UBE2F: variants seen among roughly 807,000 people sequenced by gnomAD.
The protein encoded by UBE2F is ubiquitin conjugating enzyme E2 F (putative).
In UBE2F, 5 loss-of-function variants were observed where a neutral mutation model predicts 29.6. The observed-to-expected ratio is 0.17, with a 90% confidence interval of 0.09 to 0.36. The LOEUF is 0.36. UBE2F is among the 10% of genes least tolerant of loss of function. UBE2F has a pLI of 1.00. For synonymous variants in UBE2F, 66 were observed against 81.8 expected (o/e 0.81, Z 1.04); for missense variants, 141 against 228.5 (o/e 0.62, Z 2.47).
chr2:237,972,185 C>T (rs1171776526), intron 1 of UBE2F, among the ~76,000 whole-genome samples: 5 of 152,184 alleles, frequency 3.3e-5, no homozygotes, highest in Admixed American at 3.3e-4. Flanking sequence ...TAAGTAAATG[C>T]AACACAGCAT....
rs527853888 is a variant in UBE2F, at chr2:238,020,457, G to A, written c.282+3824G>A. ...GTGCGGAGCCTAGGGATGGGCTGGG[G>A]CTTCTCAGGGTGCATCTGCTTCACT... On this transcript the variant is annotated intron_variant, in intron 5 of 9. Transcript: ENST00000272930. Among the ~76,000 whole-genome samples the A allele has an allele frequency of 5.9e-5, 9 of 152,308 alleles. No individual in the cohort carries two copies. The South Asian group carries it at 1.7e-3, about 28-fold the overall frequency.
At chr2:238,031,611 TTGA>T (rs1559228109) in intron 7 of UBE2F, among the ~76,000 whole-genome samples, 1 of 152,038 alleles carries the variant, frequency 6.6e-6, no homozygotes, top group African/African-American at 2.4e-5. Context: ...AACTCTTGAG[TTGA>T]TGAAGAGGAA....
chr2:238,041,575 C>T lies in UBE2F; in HGVS notation c.*237C>T. The stretch of plus-strand genomic sequence containing the variant: ...GGGCTTCTGAAGAGTTGTCTGCTTA[C>T]CTTAACATGTTTACTTTTTTGAACT... On this transcript the variant is annotated 3_prime_UTR_variant, in exon 10 of 10. Transcript: ENST00000272930. The T allele has an allele frequency of 6.2e-6, 3 of 485,676 alleles. No individual in the cohort carries two copies. The highest frequency in any genetic ancestry group is 5.7e-5 in the South Asian group (2 of 35,268). 30.1% of individuals were successfully genotyped at this position (485,676 alleles called of 1,614,324 possible).
At chr2:238,013,226 C>T (rs1019093703) in intron 4 of UBE2F, among the ~76,000 whole-genome samples, 1 of 151,928 alleles carries the variant, frequency 6.6e-6, no homozygotes, top group Non-Finnish European at 1.5e-5. Flanking sequence ...GCTGTGCACC[C>T]CAGCCTGAGC....
In UBE2F at chr2:237,967,641, G is replaced by T. The variant is rs975330732; in HGVS notation, c.-17+509G>T. Among the ~76,000 whole-genome samples the T allele has an allele frequency of 2.0e-5, 3 of 152,240 alleles. No homozygotes were observed. The highest frequency in any genetic ancestry group is 2.9e-5 in the Non-Finnish European group (2 of 68,042). On this transcript the variant is annotated intron_variant, in intron 1 of 9. Transcript: ENST00000272930. This position sits in a 1 kb window ranked among gnomAD's most constrained non-coding sequence, Gnocchi z 6.3. ...GCGCTAGGCCGTGAGGAGCGGGGGA[G>T]GTGAGGGGAGTGACAACTCGCGCCC...
rs553509755 is a variant in UBE2F at position 237,996,482 on chromosome 2, T to G, written c.214+1673T>G. ...TTCCCCGCCTCCCCTCCGCGTTTTTTTTTTTTTTTTGAGACCAAGTCTCAC... is the reference window on the plus strand; with the variant it reads ...TTCCCCGCCTCCCCTCCGCGTTTTTGTTTTTTTTTTGAGACCAAGTCTCAC... On this transcript the variant is annotated intron_variant, in intron 4 of 9. Coordinates refer to ENST00000272930, the MANE Select transcript of UBE2F (RefSeq NM_080678.3). Among the ~76,000 whole-genome samples the G allele has an allele frequency of 1.8e-3, 276 of 151,552 alleles. 5 individuals carry two copies. The highest frequency in any genetic ancestry group is 6.3e-3 in the African/African-American group (259 of 41,356).
chr2:237,972,239 A>G (rs186451794), intron 1 of UBE2F, among the ~76,000 whole-genome samples: 1 of 152,370 alleles, frequency 6.6e-6, no homozygotes, highest in African/African-American at 2.4e-5. Flanking sequence ...CCACACCTTT[A>G]TTAAAAGAGG....
chr2:238,024,680 G>A lies in UBE2F; in HGVS notation c.283-662G>A, dbSNP rs1432205248. On this transcript the variant is annotated intron_variant, in intron 5 of 9. Transcript: ENST00000272930. The stretch of plus-strand genomic sequence containing the variant: ...TCTTTTAGGTGGCCTCCCAAAGTGA[G>A]CCACCATGCCCAAACTAGAAAAATC... Among the ~76,000 whole-genome samples the A allele has an allele frequency of 3.3e-5, 5 of 152,138 alleles. No homozygotes were observed. In the East Asian group the frequency reaches 9.6e-4, roughly 29 times the overall value.
At chr2:237,999,873 G>A (rs1370107813) in intron 4 of UBE2F, among the ~76,000 whole-genome samples, 1 of 144,810 alleles carries the variant, frequency 6.9e-6, no homozygotes, top group Middle Eastern at 3.4e-3. Flanking sequence ...CGCCTAGGCT[G>A]GAGTGCAGTG....
intron 2 of UBE2F, chr2:237,986,147 T>C (rs1383278065): frequency 1.3e-4 from 46 of 359,830 alleles, no homozygotes; most frequent in South Asian, 2.6e-4. Context: ...CTTTTCTTTT[T>C]TTTTTTTTTT....
At chr2:237,984,098 C>T (rs1324412712) in intron 2 of UBE2F, among the ~76,000 whole-genome samples, 1 of 151,760 alleles carries the variant, frequency 6.6e-6, no homozygotes, top group Non-Finnish European at 1.5e-5. Context: ...TACTCCTCCT[C>T]TTTGTCTCTC....
In UBE2F at chr2:238,041,654, T is replaced by C. The variant is rs746675977; in HGVS notation, c.*316T>C. 23 of 230,914 alleles carry C rather than the reference T, an allele frequency of 1.0e-4. No individual in the cohort carries two copies. The highest frequency in any genetic ancestry group is 1.7e-4 in the Non-Finnish European group (20 of 118,088). The allele number at this position is 230,914 out of a possible 1,614,324, so 14.3% of individuals were successfully genotyped here. On this transcript the variant is annotated 3_prime_UTR_variant, in exon 10 of 10. Coordinates refer to ENST00000272930, the MANE Select transcript of UBE2F (RefSeq NM_080678.3). ...TTAAGAAGTTGTAATGAACTCAAAA[T>C]TGAGGCCAGAGCTTGCTTTCCCTTT... is the stretch of plus-strand genomic sequence containing the variant.
intron 4 of UBE2F, among the ~76,000 whole-genome samples, chr2:237,999,634 C>T (rs1223484249): frequency 6.6e-6 from 1 of 152,132 alleles, no homozygotes; most frequent in East Asian, 1.9e-4. Context: ...TTCCTTTCTT[C>T]ATTGAATTAC....
chr2:238,035,477 T>C (rs945832854), intron 8 of UBE2F: 3 of 194,134 alleles, frequency 1.5e-5, no homozygotes, highest in African/African-American at 7.1e-5. Context: ...AAGTCAAAAC[T>C]GTTAATCACA....
At chr2:237,988,073 A>G (rs566938014) in intron 3 of UBE2F, 81 bp downstream of exon 3, 3 of 777,500 alleles carry the variant, frequency 3.9e-6, no homozygotes, top group South Asian at 4.6e-5. Flanking sequence ...AACCTTGTAT[A>G]GTAAAAAGCC....
rs570692923 is a variant in UBE2F, at chr2:238,033,612, T to C, written c.444+1358T>C. On this transcript the variant is annotated intron_variant, in intron 8 of 9. Coordinates refer to ENST00000272930, the MANE Select transcript of UBE2F (RefSeq NM_080678.3). ...GTCATCTGAGGGCACAGTGTTCTTATCTTCAGCAAAAGCAGAGCCTCAAAC... is the reference window on the plus strand; with the variant it reads ...GTCATCTGAGGGCACAGTGTTCTTACCTTCAGCAAAAGCAGAGCCTCAAAC... Among the ~76,000 whole-genome samples the C allele has an allele frequency of 3.0e-4, 45 of 152,328 alleles. No individual in the cohort carries two copies. The South Asian group carries it at 8.3e-3, about 28-fold the overall frequency.
chr2:238,002,934 C>T (rs1033282901), intron 4 of UBE2F, among the ~76,000 whole-genome samples: 7 of 152,078 alleles, frequency 4.6e-5, no homozygotes, highest in East Asian at 3.9e-4. Context: ...GCCCGGCTGA[C>T]GCATGAATGT....
At chr2:238,035,517 AAAG>A (rs1454175479) in intron 8 of UBE2F, 22 of 183,140 alleles carry the variant, frequency 1.2e-4, no homozygotes, top group Middle Eastern at 2.3e-3. Context: ...TTTTTATGGA[AAAG>A]AAGGGGATTT....
chr2:237,988,198 A>T (rs2063519825), intron 3 of UBE2F, among the ~76,000 whole-genome samples: 1 of 152,160 alleles, frequency 6.6e-6, no homozygotes, highest in South Asian at 2.1e-4. Context: ...TGCTAGTCTC[A>T]GCACTTTGGG....
Sources: allele counts gnomAD v4.1 joint callset (sites outside exome capture counted in the v4.1 genomes callset), GRCh38; gene constraint gnomAD v4.1.1; non-coding constraint Gnocchi (gnomAD v3.1); transcripts MANE v1.5; gene names NCBI Gene and HGNC (gene_info 2026-07-23, HGNC 2026-07-21).